SHISA9: variants seen among roughly 807,000 people sequenced by gnomAD.
The protein encoded by SHISA9 is protein shisa-9.
Under a neutral mutation model 38.0 loss-of-function variants are expected in SHISA9, and 13 were observed. The observed-to-expected ratio is 0.34, with a 90% confidence interval of 0.22 to 0.54. The LOEUF is 0.54. Among genes scored for constraint, SHISA9 ranks in the 20% least tolerant of loss-of-function variants. The pLI, the probability that SHISA9 is intolerant of heterozygous loss-of-function variation, is 0.91. For synonymous variants in SHISA9, 275 were observed against 242.0 expected, an observed-to-expected ratio of 1.14 and a Z score of -1.27; for missense variants, 538 against 575.8, an observed-to-expected ratio of 0.93 and a Z score of 0.67.
At chr16:13,504,229 A>T in the SHISA9 span, among the ~76,000 whole-genome samples, 47,119 of 151,908 alleles carry the variant, frequency 0.31, 7,601 homozygotes, top group East Asian at 0.37. Flanking sequence ...GTATTGCAAT[A>T]CCCAAATTGC....
the SHISA9 span, among the ~76,000 whole-genome samples, chr16:13,460,170 G>A: frequency 2.0e-5 from 3 of 152,120 alleles, no homozygotes; most frequent in African/African-American, 7.2e-5. Context: ...TGGATTCATG[G>A]CAAATACCAG....
At chr16:13,106,803 TAGTG>T (rs1197943695) in intron 2 of SHISA9, among the ~76,000 whole-genome samples, 4 of 151,930 alleles carry the variant, frequency 2.6e-5, no homozygotes, top group African/African-American at 7.2e-5. Context: ...ACCATGTAAA[TAGTG>T]AGCTGTGTAG....
At chr16:13,247,070 G>GA in the SHISA9 span, among the ~76,000 whole-genome samples, 3 of 152,006 alleles carry the variant, frequency 2.0e-5, no homozygotes, top group South Asian at 6.2e-4. Flanking sequence ...GAGGCCTCAG[G>GA]AAACTAACAA....
At chr16:13,127,994 C>T (rs538628428) in intron 2 of SHISA9, among the ~76,000 whole-genome samples, 3 of 152,292 alleles carry the variant, frequency 2.0e-5, no homozygotes, top group African/African-American at 7.2e-5. Context: ...GCTCAATAGG[C>T]CCACGTCTGT....
At chr16:13,502,012 A>G in the SHISA9 span, among the ~76,000 whole-genome samples, 1 of 152,200 alleles carries the variant, frequency 6.6e-6, no homozygotes, top group Admixed American at 6.5e-5. Flanking sequence ...AAAAAAAAAA[A>G]AATTGCTGAA....
chr16:13,382,479 G>A, the SHISA9 span, among the ~76,000 whole-genome samples: 5 of 146,238 alleles, frequency 3.4e-5, no homozygotes, highest in Non-Finnish European at 7.4e-5. Context: ...GCAGTGAGCC[G>A]AGATCGCGCC....
intron 2 of SHISA9, among the ~76,000 whole-genome samples, chr16:13,044,910 G>T (rs1884217423): frequency 6.6e-6 from 1 of 152,200 alleles, no homozygotes; most frequent in Admixed American, 6.5e-5. Flanking sequence ...TTATGTGGAT[G>T]CTTATATTTG....
the SHISA9 span, among the ~76,000 whole-genome samples, chr16:13,260,791 C>T: frequency 6.6e-6 from 1 of 152,182 alleles, no homozygotes; most frequent in Non-Finnish European, 1.5e-5. Context: ...CAGCGCCCCC[C>T]TTTACTGGTA....
At chr16:13,168,923 C>T (rs2050661416) in intron 2 of SHISA9, among the ~76,000 whole-genome samples, 1 of 152,202 alleles carries the variant, frequency 6.6e-6, no homozygotes, top group Non-Finnish European at 1.5e-5. Flanking sequence ...ACGCATGCAT[C>T]GTGCCTGGCA....
At chr16:13,468,927 T>A in the SHISA9 span, among the ~76,000 whole-genome samples, 1 of 151,598 alleles carries the variant, frequency 6.6e-6, no homozygotes, top group Non-Finnish European at 1.5e-5. Context: ...ATATATGTGT[T>A]GTTATATATA....
chr16:12,954,818 C>G (rs1269129672), intron 2 of SHISA9, among the ~76,000 whole-genome samples: 2 of 152,110 alleles, frequency 1.3e-5, no homozygotes, highest in Non-Finnish European at 2.9e-5. Flanking sequence ...GATCTGAATT[C>G]CAAAGGCCAG....
intron 2 of SHISA9, among the ~76,000 whole-genome samples, chr16:13,078,907 G>A (rs1194934895): frequency 3.3e-5 from 5 of 152,162 alleles, no homozygotes; most frequent in Admixed American, 1.3e-4. Context: ...AAAATTAACC[G>A]GGAGCGTAAA....
intron 2 of SHISA9, among the ~76,000 whole-genome samples, chr16:13,087,545 G>T (rs1317754959): frequency 6.6e-6 from 1 of 152,134 alleles, no homozygotes; most frequent in African/African-American, 2.4e-5. Flanking sequence ...GTATCTCATT[G>T]TGGTTTTGAT....
intron 2 of SHISA9, among the ~76,000 whole-genome samples, chr16:13,059,445 C>G (rs2073349446): frequency 6.6e-6 from 1 of 152,062 alleles, no homozygotes; most frequent in East Asian, 1.9e-4. Context: ...AGACTATTTA[C>G]AGAGGTACAG....
At chr16:13,390,093 G>C in the SHISA9 span, among the ~76,000 whole-genome samples, 3 of 150,752 alleles carry the variant, frequency 2.0e-5, no homozygotes, top group African/African-American at 7.3e-5. Context: ...GAAGTACATA[G>C]AACTTAAATA....
At chr16:13,488,523 C>T in the SHISA9 span, among the ~76,000 whole-genome samples, 6 of 152,056 alleles carry the variant, frequency 3.9e-5, no homozygotes, top group Non-Finnish European at 7.3e-5. Flanking sequence ...TTTTACTGTA[C>T]TGTTTCTATG....
chr16:12,993,364 G>A (rs1438296431), intron 2 of SHISA9, among the ~76,000 whole-genome samples: 1 of 152,194 alleles, frequency 6.6e-6, no homozygotes, highest in Admixed American at 6.5e-5. Flanking sequence ...GACTCTGGAA[G>A]TAGATACAAC....
chr16:13,339,859 A>G, the SHISA9 span, among the ~76,000 whole-genome samples: 3 of 152,230 alleles, frequency 2.0e-5, no homozygotes, highest in East Asian at 3.8e-4. Context: ...TGAAAGTTAC[A>G]TGAATAAATA....
chr16:13,501,608 A>T, the SHISA9 span, among the ~76,000 whole-genome samples: 1 of 152,174 alleles, frequency 6.6e-6, no homozygotes, highest in Non-Finnish European at 1.5e-5. Flanking sequence ...CCGGCCACAC[A>T]TCAGTAATCT....
Sources: gnomAD v4.1 joint callset for allele counts (sites outside exome capture counted in the v4.1 genomes callset) on GRCh38, gnomAD v4.1.1 for gene constraint, MANE v1.5 for transcripts, NCBI Gene and HGNC (gene_info 2026-07-23, HGNC 2026-07-21) for gene names.